ANAPC10: variants seen among roughly 807,000 people sequenced by gnomAD.
ANAPC10 encodes the protein anaphase promoting complex subunit 10.
ANAPC10 carries 12 observed loss-of-function variants against 22.0 expected under a neutral mutation model. That is an observed-to-expected ratio of 0.55 (90% CI 0.35 to 0.88). The LOEUF (loss-of-function observed/expected upper bound fraction) is 0.88. Among genes scored for constraint, ANAPC10 ranks in the 40% least tolerant of loss-of-function variants. The pLI is 0.01. For synonymous variants in ANAPC10, 65 were observed against 69.5 expected (o/e 0.94, Z 0.32); for missense variants, 188 against 220.9 (o/e 0.85, Z 0.94).
chr4:145,060,764 T>C (rs1742768610), intron 4 of ANAPC10, among the ~76,000 whole-genome samples: 1 of 152,050 alleles, frequency 6.6e-6, no homozygotes, highest in Non-Finnish European at 1.5e-5. Context: ...ATAACTTGTT[T>C]TAGTATATGA....
intron 4 of ANAPC10, among the ~76,000 whole-genome samples, chr4:145,002,143 C>T (rs1732673847): frequency 6.6e-6 from 1 of 152,174 alleles, no homozygotes; most frequent in Admixed American, 6.5e-5. Context: ...ACTGTCAACA[C>T]ATGAAGCAGC....
chr4:145,040,118 AGTGTGTGTGTATGTGTGT>A (rs1256361919), intron 4 of ANAPC10, among the ~76,000 whole-genome samples: 6 of 102,308 alleles, frequency 5.9e-5, no homozygotes, highest in Non-Finnish European at 1.2e-4. Flanking sequence ...CTTTTGTTTT[AGTGTGTGTGTATGTGTGT>A]GTGTGTGTGT....
intron 4 of ANAPC10, among the ~76,000 whole-genome samples, chr4:145,037,594 C>T (rs1345057323): frequency 8.5e-5 from 13 of 152,064 alleles, no homozygotes; most frequent in Admixed American, 8.5e-4. Flanking sequence ...CAAAAAGTCA[C>T]TATAAAACAC....
At chr4:145,092,068 GA>G (rs1747761808) in intron 2 of ANAPC10, among the ~76,000 whole-genome samples, 1 of 152,078 alleles carries the variant, frequency 6.6e-6, no homozygotes, top group East Asian at 1.9e-4. Context: ...CACAGGAACA[GA>G]AAACCAAACA....
At chr4:145,037,029 TG>T in intron 4 of ANAPC10, among the ~76,000 whole-genome samples, 1 of 144,598 alleles carries the variant, frequency 6.9e-6, no homozygotes, top group Middle Eastern at 3.4e-3. Flanking sequence ...TGTGTGTGTG[TG>T]TGTGTGTGTA....
At chr4:145,025,571 A>G (rs1195278911) in intron 4 of ANAPC10, among the ~76,000 whole-genome samples, 2 of 152,204 alleles carry the variant, frequency 1.3e-5, no homozygotes, top group Non-Finnish European at 2.9e-5. Context: ...TTGCCATCTT[A>G]CATGGGCTTA....
At chr4:145,053,962 G>A (rs964896851) in intron 4 of ANAPC10, among the ~76,000 whole-genome samples, 1 of 151,676 alleles carries the variant, frequency 6.6e-6, no homozygotes, top group African/African-American at 2.4e-5. Flanking sequence ...AGGCTGGACT[G>A]CAGTGGTGCA....
chr4:145,067,542 T>C (rs975058167), intron 3 of ANAPC10, among the ~76,000 whole-genome samples: 2 of 152,230 alleles, frequency 1.3e-5, no homozygotes, highest in Admixed American at 6.5e-5. Context: ...CTACCTGGTC[T>C]AGTGGTATAA....
intron 4 of ANAPC10, 57 bp downstream of exon 4, chr4:145,064,515 T>C: frequency 7.1e-7 from 1 of 1,405,586 alleles, no homozygotes. Flanking sequence ...ACTGTGACTA[T>C]CTTCTAATGA....
intron 4 of ANAPC10, among the ~76,000 whole-genome samples, chr4:145,039,491 A>AAT (rs1425446960): frequency 3.9e-5 from 6 of 152,232 alleles, no homozygotes; most frequent in Non-Finnish European, 5.9e-5. Flanking sequence ...GATAATAATA[A>AAT]ATAACAATAA....
chr4:145,098,089 C>T (rs1430352204), intron 1 of ANAPC10, 31 bp downstream of exon 1: 1 of 152,712 alleles, frequency 6.5e-6, no homozygotes, highest in Non-Finnish European at 1.5e-5. Flanking sequence ...TAGGACCACG[C>T]TCGACGTCGG....
At position 145,019,158 on chromosome 4, in the gene ANAPC10, T is replaced by C. The variant is rs187717876; in HGVS notation, c.328-23555A>G. ...ACCACAGAATACACAATCTATTCAA[T>C]AGCGCATGGGACTTTCTCCAAGATG... is the stretch of plus-strand genomic sequence containing the variant. On this transcript the variant is annotated intron_variant, in intron 4 of 4. Transcript: ENST00000507656. 7.2e-5 allele frequency among the ~76,000 whole-genome samples: 11 copies of C among 152,210 alleles called. No homozygotes were observed. The East Asian group carries it at 1.7e-3, about 24-fold the overall frequency.
rs1444719876 is a variant in ANAPC10 at position 145,033,825 on chromosome 4, G to GT, written c.327+30746dup. ...GTGACCAGCTGCAGAAATGAGGACTGTAACTGTCATGAGTTCCTTCTGCTT... is the reference window on the plus strand; with the variant it reads ...GTGACCAGCTGCAGAAATGAGGACTGTTAACTGTCATGAGTTCCTTCTGCTT... On this transcript the variant is annotated intron_variant, in intron 4 of 4. Transcript: ENST00000507656. 4.6e-5 allele frequency among the ~76,000 whole-genome samples: 7 copies of GT among 152,208 alleles called. No homozygotes were observed. The South Asian group carries it at 1.0e-3, about 23-fold the overall frequency.
chr4:145,077,478 T>C (rs938962033), intron 3 of ANAPC10, among the ~76,000 whole-genome samples: 15 of 152,010 alleles, frequency 9.9e-5, no homozygotes, highest in Admixed American at 2.0e-4. Flanking sequence ...ACTGAAACGA[T>C]TGCAAAAAAC....
chr4:145,000,256 T>C (rs1251367250), intron 4 of ANAPC10, among the ~76,000 whole-genome samples: 2 of 150,736 alleles, frequency 1.3e-5, no homozygotes, highest in East Asian at 3.9e-4. Context: ...ACCATTGGAG[T>C]GAAAAGGCAA....
intron 4 of ANAPC10, among the ~76,000 whole-genome samples, chr4:145,010,562 C>T (rs1425726333): frequency 1.3e-5 from 2 of 152,082 alleles, no homozygotes; most frequent in Non-Finnish European, 2.9e-5. Flanking sequence ...TCTGAGCAAA[C>T]TATCGCAAAG....
chr4:144,996,599 C>T (rs893053278), intron 4 of ANAPC10, among the ~76,000 whole-genome samples: 4 of 152,106 alleles, frequency 2.6e-5, no homozygotes, highest in African/African-American at 9.7e-5. Flanking sequence ...CATCAAAGAC[C>T]GAAGGTAGAT....
chr4:145,046,060 C>T (rs555309526), intron 4 of ANAPC10, among the ~76,000 whole-genome samples: 1 of 152,012 alleles, frequency 6.6e-6, no homozygotes, highest in Admixed American at 6.6e-5. Flanking sequence ...GTTACAGGAG[C>T]GCACCCTAAG....
intron 4 of ANAPC10, among the ~76,000 whole-genome samples, chr4:145,061,757 A>T (rs1380022445): frequency 6.6e-6 from 1 of 152,192 alleles, no homozygotes; most frequent in Non-Finnish European, 1.5e-5. Flanking sequence ...TCATCAGAGA[A>T]CTAAACACTG....
Sources: gnomAD v4.1 joint callset for allele counts (sites outside exome capture counted in the v4.1 genomes callset) on GRCh38, gnomAD v4.1.1 for gene constraint, MANE v1.5 for transcripts, NCBI Gene and HGNC (gene_info 2026-07-23, HGNC 2026-07-21) for gene names.